The following TPT1 variants were observed in gnomAD, a reference collection of about 807,000 sequenced individuals.
TPT1 encodes tumor protein, translationally-controlled 1, also known as translationally-controlled tumor protein.
A neutral mutation model predicts 22.8 loss-of-function variants in TPT1; 5 were observed. The ratio of observed to expected loss-of-function variants is 0.22; its 90% CI spans 0.11 to 0.46. TPT1 has a LOEUF of 0.46. Ranked by LOEUF, TPT1 falls within the 20% of genes least tolerant of loss-of-function variation. TPT1 has a pLI of 0.99. For missense variants in TPT1, 130 were observed against 218.7 expected (o/e 0.59, Z 2.56); for synonymous variants, 89 against 73.6 (o/e 1.21, Z -1.07).
At chr13:45,338,486 A>G in intron 5 of TPT1, 174 bp downstream of exon 5, 1 of 1,292,130 alleles carries the variant, frequency 7.7e-7, no homozygotes, top group Non-Finnish European at 1.0e-6. Flanking sequence ...AAGCCTTTTT[A>G]TACCCTAAGA....
chr13:45,340,615 G>A (rs2137553754), intron 2 of TPT1, 97 bp downstream of exon 2: 5 of 1,368,354 alleles, frequency 3.7e-6, no homozygotes, highest in East Asian at 2.5e-5. Flanking sequence ...TCCGCCAGGA[G>A]GCGGCGGGGA....
At chr13:45,339,399 C>T in intron 4 of TPT1, 98 bp downstream of exon 4, 1 of 1,034,918 alleles carries the variant, frequency 9.7e-7, no homozygotes, top group Non-Finnish European at 1.4e-6. Flanking sequence ...CTTTCTACAC[C>T]TGGAATACTA....
chr13:45,338,495 G>T (rs980676129), intron 5 of TPT1, 165 bp downstream of exon 5: 4 of 1,356,032 alleles, frequency 2.9e-6, no homozygotes, highest in South Asian at 3.2e-5. Context: ...TATACCCTAA[G>T]AATTTTTTAC....
intron 3 of TPT1, 119 bp downstream of exon 3, chr13:45,339,875 A>C: frequency 8.7e-7 from 1 of 1,154,464 alleles, no homozygotes; most frequent in Non-Finnish European, 1.2e-6. Context: ...TGAACTCATT[A>C]ATAAAAAAGC....
chr13:45,339,489 G>T lies in TPT1; in HGVS notation c.399+8C>A. ...CAATCCTTTGATCCAGATACTTAAG[G>T]TATTTACCTGGTAGTTTTTGAAATT... On this transcript the variant is annotated splice_region_variant and intron_variant, in intron 4 of 5. Transcript: ENST00000530705. 1 of 1,607,418 alleles carries T rather than the reference G, an allele frequency of 6.2e-7. No homozygotes were observed. The highest frequency in any genetic ancestry group is 8.5e-7 in the Non-Finnish European group (1 of 1,176,136).
At position 45,334,757 on chromosome 13, in the gene TPT1, C is replaced by T. The variant is rs1393393960; in HGVS notation, c.*2629G>A. The T allele has an allele frequency of 6.6e-6, 1 of 152,268 alleles. No individual in the cohort carries two copies. The highest frequency in any genetic ancestry group is 1.5e-5 in the Non-Finnish European group (1 of 68,068). 9.4% of individuals were successfully genotyped at this position (152,268 alleles called of 1,614,324 possible). A position where few individuals can be genotyped will look rare whatever the true frequency, so the allele number is the denominator to read the frequency against. On this transcript the variant is annotated 3_prime_UTR_variant, in exon 6 of 6. Coordinates refer to ENST00000530705, the MANE Select transcript of TPT1 (RefSeq NM_003295.4). ...TAAAAATTTGAGTCATATCATGTAACTCTTCTGCTCAGAGCGCCTGTGGTT... is the reference window on the plus strand; with the variant it reads ...TAAAAATTTGAGTCATATCATGTAATTCTTCTGCTCAGAGCGCCTGTGGTT...
Position 45,339,978 on chromosome 13 carries a change from T to C in TPT1, c.293+16A>G. 6.2e-7 allele frequency: 1 copy of C among 1,613,576 alleles called. No homozygotes were observed. On this transcript the variant is annotated intron_variant, in intron 3 of 5. Coordinates refer to ENST00000530705, the MANE Select transcript of TPT1 (RefSeq NM_003295.4). ...AAGATTCTAGACATCAGCTAGGTAC[T>C]GCCAGTATCACTTACGATTTCATGT... is the stretch of plus-strand genomic sequence containing the variant.
chr13:45,341,061 G>A lies in TPT1; in HGVS notation c.9C>T (p.Ile3=), dbSNP rs777636937. The change falls in exon 1 of 6, where the codon ATC becomes ATT. Residue 3 remains isoleucine, a synonymous_variant. Coordinates refer to ENST00000530705, the MANE Select transcript of TPT1 (RefSeq NM_003295.4). Reference sequence around the variant, plus strand: ...ACTCACGGCTGATGAGGTCCCGGTAGATAATCATGATGGCGACTGAAGGGA... The same window carrying A: ...ACTCACGGCTGATGAGGTCCCGGTAAATAATCATGATGGCGACTGAAGGGA... MI[I]YRDLISHDEM... is the part of the protein sequence containing the mutation. 25 of 1,613,210 alleles carry A rather than the reference G, an allele frequency of 1.5e-5. No homozygotes were observed. In the African/African-American group the frequency reaches 3.2e-4, roughly 21 times the overall value.
At chr13:45,339,426 T>TA in intron 4 of TPT1, 71 bp downstream of exon 4, 1 of 1,381,672 alleles carries the variant, frequency 7.2e-7, no homozygotes. Flanking sequence ...AATTGAAGAT[T>TA]AATCAACTTA....
At chr13:45,337,609 G>A (rs1168739425) in intron 5 of TPT1, 2 of 1,571,972 alleles carry the variant, frequency 1.3e-6, no homozygotes. Flanking sequence ...AGTGGATGCA[G>A]AACACCCTTA....
At chr13:45,339,134 C>T (rs913515578) in intron 4 of TPT1, 22 of 295,896 alleles carry the variant, frequency 7.4e-5, no homozygotes, top group African/African-American at 4.1e-4. Flanking sequence ...ATCTTATGGC[C>T]AGGGGATGCA....
rs1878717584 is a variant in TPT1, at chr13:45,336,608, G to A, written c.*778C>T. The A allele has an allele frequency of 6.6e-6, 1 of 152,148 alleles. No homozygotes were observed. The highest frequency in any genetic ancestry group is 1.5e-5 in the Non-Finnish European group (1 of 68,048). 9.4% of individuals were successfully genotyped at this position (152,148 alleles called of 1,614,324 possible). On this transcript the variant is annotated 3_prime_UTR_variant, in exon 6 of 6. Coordinates refer to ENST00000530705, the MANE Select transcript of TPT1 (RefSeq NM_003295.4). The stretch of plus-strand genomic sequence containing the variant: ...TTAGACACAACTCTGCTCATGCACT[G>A]ACAACAGCCACAGTCAATCCATAAA...
At chr13:45,340,326 C>A in intron 2 of TPT1, 142 bp from the exon 3 acceptor site, 1 of 1,149,040 alleles carries the variant, frequency 8.7e-7, no homozygotes, top group Non-Finnish European at 1.3e-6. Flanking sequence ...AAGTTGTGAC[C>A]CGTGGATTTC....
intron 5 of TPT1, chr13:45,338,311 G>C (rs1330449012): frequency 3.6e-6 from 1 of 281,394 alleles, no homozygotes; most frequent in African/African-American, 2.2e-5. Context: ...GCAGAGATAG[G>C]GTTTCGCCAT....
At position 45,337,387 on chromosome 13, in the gene TPT1, T is replaced by C. The variant is rs1490159171; in HGVS notation, c.518A>G (p.Ter173=). Residue 173 remains the stop codon, a splice_region_variant and stop_retained_variant, in exon 6 of 6, where the codon TAA becomes TGA. Transcript: ENST00000530705. ...FKDGLEMEKC[*] Reference sequence around the variant, plus strand: ...GATCCAAAATAATTGCCACATTTGTTACTGTAAAAGCAAAAACTACATTAA... The same window carrying C: ...GATCCAAAATAATTGCCACATTTGTCACTGTAAAAGCAAAAACTACATTAA... 3.7e-6 allele frequency: 6 copies of C among 1,613,984 alleles called. No homozygotes were observed. Among genetic ancestry groups the C allele is most frequent in the African/African-American group, 1.3e-5 (1 of 74,926 alleles).
chr13:45,338,623 T>G, intron 5 of TPT1, 37 bp downstream of exon 5: 1 of 1,600,710 alleles, frequency 6.2e-7, no homozygotes, highest in Non-Finnish European at 8.5e-7. Context: ...AATGTCTTTT[T>G]TACATTATTT....
At chr13:45,340,857 G>T in intron 1 of TPT1, 72 bp from the exon 2 acceptor site, 4 of 1,463,118 alleles carry the variant, frequency 2.7e-6, no homozygotes, top group South Asian at 2.9e-5. Context: ...CGCGCCGGCG[G>T]CCGCACGCGG....
intron 2 of TPT1, 38 bp downstream of exon 2, chr13:45,340,674 G>C (rs1879046983): frequency 3.9e-6 from 6 of 1,558,216 alleles, no homozygotes; most frequent in Non-Finnish European, 4.3e-6. Flanking sequence ...GAGCCCGCTC[G>C]GCCCGGACTC....
intron 4 of TPT1, chr13:45,338,997 A>C: frequency 2.3e-6 from 1 of 436,838 alleles, no homozygotes. Context: ...ATCCAGGAAC[A>C]CTAGGCTTTC....
Sources: gnomAD v4.1 joint callset for allele counts on GRCh38, gnomAD v4.1.1 for gene constraint, MANE v1.5 for transcripts, NCBI Gene and HGNC (gene_info 2026-07-23, HGNC 2026-07-21) for gene names.